SGK1: variants seen among roughly 807,000 people sequenced by gnomAD.
The protein encoded by SGK1 is serum/glucocorticoid regulated kinase 1.
In SGK1, 26 loss-of-function variants were observed where a neutral mutation model predicts 64.2. That is an observed-to-expected ratio of 0.40 (90% CI 0.30 to 0.56). SGK1 has a LOEUF of 0.56. SGK1 is among the 20% of genes least tolerant of loss of function. SGK1 has a pLI of 0.38. For synonymous variants in SGK1, 265 were observed against 239.7 expected, an observed-to-expected ratio of 1.11 and a Z score of -0.98; for missense variants, 519 against 645.6, an observed-to-expected ratio of 0.80 and a Z score of 2.12.
At chr6:134,265,479 A>G (rs1277404660) in intron 1 of SGK1, among the ~76,000 whole-genome samples, 2 of 149,036 alleles carry the variant, frequency 1.3e-5, no homozygotes, top group Non-Finnish European at 1.5e-5. Flanking sequence ...AAACAAACAA[A>G]CAAACAAAAA....
chr6:134,171,907 G>A (rs2114631620), intron 10 of SGK1, 175 bp from the exon 11 acceptor site: 1 of 620,236 alleles, frequency 1.6e-6, no homozygotes, highest in African/African-American at 1.8e-5. Flanking sequence ...CTACCTATGT[G>A]TACTGACATT....
At chr6:134,250,717 A>G (rs1043956061) in intron 2 of SGK1, among the ~76,000 whole-genome samples, 1 of 152,182 alleles carries the variant, frequency 6.6e-6, no homozygotes, top group Non-Finnish European at 1.5e-5. Context: ...AAACTTTAGG[A>G]TTAAATTATA....
chr6:134,299,280 G>A (rs929947560), intron 1 of SGK1, among the ~76,000 whole-genome samples: 7 of 151,764 alleles, frequency 4.6e-5, no homozygotes, highest in African/African-American at 1.5e-4. Flanking sequence ...TGCAAGGATC[G>A]CTTGAGCCAG....
chr6:134,170,909 T>G lies in SGK1; in HGVS notation c.1330A>C (p.Ile444Leu), dbSNP rs759265218. ...RLGAKDDFME[I>L]KSHVFFSLIN... ...AAGGAGAAGAAGACATGACTCTTAA[T>G]CTCCATCTGTTGATAAGAAACCCAA... Residue 444 changes from isoleucine (I) to leucine (L), a missense_variant, in exon 13 of 14, where the codon ATT (isoleucine) becomes CTT (leucine). By Grantham distance (5) the Ile-to-Leu change is conservative (BLOSUM62 2). Coordinates refer to ENST00000367858, the MANE Select transcript of SGK1 (RefSeq NM_001143676.3). The G allele has an allele frequency of 1.2e-6, 2 of 1,611,536 alleles. No individual in the cohort carries two copies. Among genetic ancestry groups the G allele is most frequent in the East Asian group, 4.5e-5 (2 of 44,884 alleles).
rs560090842 is a variant in SGK1, at chr6:134,182,743, A to G, written c.362-8157T>C. 4.6e-5 allele frequency among the ~76,000 whole-genome samples: 7 copies of G among 152,336 alleles called. No homozygotes were observed. In the South Asian group the frequency reaches 1.4e-3, roughly 32 times the overall value. On this transcript the variant is annotated intron_variant, in intron 3 of 13. Coordinates refer to ENST00000367858, the MANE Select transcript of SGK1 (RefSeq NM_001143676.3). ...GCTGGGCCAAGGCGAGGCCTATGTG[A>G]CAGGAATTCCGTGAAAGGCCTGAAT... is the stretch of plus-strand genomic sequence containing the variant.
In SGK1 at chr6:134,281,253, T is replaced by C. The variant is rs141086394; in HGVS notation, c.70-19105A>G. Among the ~76,000 whole-genome samples the C allele has an allele frequency of 1.0e-2, 1,520 of 152,268 alleles. 28 individuals carry two copies. Among genetic ancestry groups the C allele is most frequent in the African/African-American group, 0.035 (1,451 of 41,544 alleles). On this transcript the variant is annotated intron_variant, in intron 1 of 13. Transcript: ENST00000367858. The stretch of plus-strand genomic sequence containing the variant: ...GTTTATCTTAGTATTTTAGTACTGT[T>C]AGAAGATCTGATTTCAAGTGTTGTT...
In SGK1 at chr6:134,213,643, T is replaced by TAAATAAATAAATAAATAATA. The variant is rs11409950; in HGVS notation, c.286-6213_286-6212insTATTATTTATTTATTTATTT. Among the ~76,000 whole-genome samples the TAAATAAATAAATAAATAATA allele has an allele frequency of 1.3e-3, 35 of 27,884 alleles. No individual in the cohort carries two copies. The East Asian group carries it at 0.017, about 13-fold the overall frequency. The allele number at this position is 27,884 out of a possible 152,430, so 18.3% of individuals were successfully genotyped here. A position where few individuals can be genotyped will look rare whatever the true frequency, so the allele number is the denominator to read the frequency against. ...ATAAATAAATAAATAAATAAATAAA[T>TAAATAAATAAATAAATAATA]AATAAATAAATAAAATGTCCTCATG... On this transcript the variant is annotated intron_variant, in intron 2 of 13. Coordinates refer to ENST00000367858, the MANE Select transcript of SGK1 (RefSeq NM_001143676.3).
chr6:134,203,358 A>C (rs1416514494), intron 3 of SGK1, among the ~76,000 whole-genome samples: 2 of 152,232 alleles, frequency 1.3e-5, no homozygotes, highest in African/African-American at 4.8e-5. Context: ...AAATTCTAAA[A>C]CCTATTCAAA....
intron 3 of SGK1, chr6:134,180,194 T>A (rs1398923640): frequency 6.6e-6 from 1 of 152,346 alleles, no homozygotes; most frequent in Non-Finnish European, 1.5e-5. Flanking sequence ...GCTCAAATGA[T>A]CCTCCTGCCT....
At chr6:134,303,696 A>G (rs574048318) in intron 1 of SGK1, among the ~76,000 whole-genome samples, 1 of 152,100 alleles carries the variant, frequency 6.6e-6, no homozygotes, top group Non-Finnish European at 1.5e-5. Context: ...AGGTGGGACC[A>G]TGACTTGAGC....
intron 1 of SGK1, among the ~76,000 whole-genome samples, chr6:134,312,126 A>T (rs1777617707): frequency 6.6e-6 from 1 of 152,202 alleles, no homozygotes; most frequent in Admixed American, 6.5e-5. Flanking sequence ...CCTGAATTTG[A>T]ATTCTGGCTA....
intron 1 of SGK1, among the ~76,000 whole-genome samples, chr6:134,283,656 TG>T (rs1777130687): frequency 6.6e-6 from 1 of 151,524 alleles, no homozygotes; most frequent in Admixed American, 6.6e-5. Flanking sequence ...GAGATCAGCT[TG>T]GGCAATACAG....
chr6:134,264,391 T>A (rs973873040), intron 1 of SGK1, among the ~76,000 whole-genome samples: 2 of 152,122 alleles, frequency 1.3e-5, no homozygotes, highest in Non-Finnish European at 2.9e-5. Flanking sequence ...AGTGCTGGTA[T>A]TACAGGCTTG....
chr6:134,238,013 C>T (rs1207144237), intron 2 of SGK1, among the ~76,000 whole-genome samples: 1 of 152,172 alleles, frequency 6.6e-6, no homozygotes, highest in African/African-American at 2.4e-5. Flanking sequence ...ATGATTCCCT[C>T]AGTTTGTATG....
chr6:134,243,530 C>T (rs749120697), intron 2 of SGK1, among the ~76,000 whole-genome samples: 31 of 152,002 alleles, frequency 2.0e-4, no homozygotes, highest in African/African-American at 2.7e-4. Context: ...GCAACATGCT[C>T]GGCTAAGTTT....
intron 1 of SGK1, among the ~76,000 whole-genome samples, chr6:134,278,902 A>T (rs1562272783): frequency 6.6e-6 from 1 of 152,152 alleles, no homozygotes; most frequent in Non-Finnish European, 1.5e-5. Flanking sequence ...ACTGGCTGTG[A>T]CCTCCGTACA....
chr6:134,316,449 T>C (rs1008137871), intron 1 of SGK1, among the ~76,000 whole-genome samples: 4 of 152,078 alleles, frequency 2.6e-5, no homozygotes, highest in Admixed American at 1.3e-4. Context: ...TTCTCTTACG[T>C]TGCTTAGGAA....
intron 3 of SGK1, chr6:134,175,720 C>T (rs1775214946): frequency 2.9e-6 from 4 of 1,384,000 alleles, no homozygotes; most frequent in East Asian, 3.0e-5. Context: ...CTGACGTTTC[C>T]TTGAAGGAGC....
In SGK1 at chr6:134,175,544, C is replaced by G; in HGVS notation, c.362-958G>C. On this transcript the variant is annotated intron_variant, in intron 3 of 13. Coordinates refer to ENST00000367858, the MANE Select transcript of SGK1 (RefSeq NM_001143676.3). Reference sequence around the variant, plus strand: ...CAGCGGGGCCGGCGGCGGCGCTTACCCAGTCCGCTCAGCAGGAAGGACTCG... The same window carrying G: ...CAGCGGGGCCGGCGGCGGCGCTTACGCAGTCCGCTCAGCAGGAAGGACTCG... 8 of 1,517,756 alleles carry G rather than the reference C, an allele frequency of 5.3e-6. No homozygotes were observed. Among genetic ancestry groups the G allele is most frequent in the Non-Finnish European group, 7.1e-6 (8 of 1,129,480 alleles). The allele number at this position is 1,517,756 out of a possible 1,614,324, so 94.0% of individuals were successfully genotyped here. A position where few individuals can be genotyped will look rare whatever the true frequency, so the allele number is the denominator to read the frequency against.
Sources: gnomAD v4.1 joint callset for allele counts (sites outside exome capture counted in the v4.1 genomes callset) on GRCh38, gnomAD v4.1.1 for gene constraint, MANE v1.5 for transcripts, NCBI Gene and HGNC (gene_info 2026-07-23, HGNC 2026-07-21) for gene names.